Variants in RORA observed in about 807,000 individuals in gnomAD.
The protein encoded by RORA is nuclear receptor ROR-alpha.
Under a neutral mutation model 69.5 loss-of-function variants are expected in RORA, and 7 were observed. The ratio of observed to expected loss-of-function variants is 0.10; its 90% CI spans 0.06 to 0.19. RORA has a LOEUF of 0.19. Ranked by LOEUF, RORA falls within the 10% of genes least tolerant of loss-of-function variation. RORA has a pLI of 1.00. For synonymous variants in RORA, 261 were observed against 240.8 expected (o/e 1.08, Z -0.78); for missense variants, 457 against 663.0 (o/e 0.69, Z 3.41).
At chr15:61,098,969 A>T (rs971445485) in intron 1 of RORA, among the ~76,000 whole-genome samples, 1 of 152,232 alleles carries the variant, frequency 6.6e-6, no homozygotes, top group East Asian at 1.9e-4. Context: ...CAGGCAACGT[A>T]CGCTTCAGTG....
chr15:61,188,266 A>G lies in RORA; in HGVS notation c.166+40787T>C, dbSNP rs1178299245. Among the ~76,000 whole-genome samples the G allele has an allele frequency of 9.2e-4, 140 of 152,162 alleles. 2 individuals are homozygous for G. Among genetic ancestry groups the G allele is most frequent in the Non-Finnish European group, 1.3e-4 (9 of 68,008 alleles). Reference sequence around the variant, plus strand: ...GGGCCAAAAGGTCTCTGTGGCAACTACTCAACTCTGCCATTGTGGCCCCAA... The same window carrying G: ...GGGCCAAAAGGTCTCTGTGGCAACTGCTCAACTCTGCCATTGTGGCCCCAA... On this transcript the variant is annotated intron_variant, in intron 1 of 10. Transcript: ENST00000335670.
chr15:60,923,985 C>T (rs910735375), intron 1 of RORA, among the ~76,000 whole-genome samples: 15 of 152,144 alleles, frequency 9.9e-5, no homozygotes, highest in South Asian at 2.1e-4. Flanking sequence ...TGTGTGAGCA[C>T]GGGGCAGTGT....
At position 61,226,929 on chromosome 15, in the gene RORA, T is replaced by G. The variant is rs2140953120; in HGVS notation, c.166+2124A>C. Among the ~76,000 whole-genome samples, 1 of 152,072 alleles carries G rather than the reference T, an allele frequency of 6.6e-6. No individual in the cohort carries two copies. The highest frequency in any genetic ancestry group is 1.9e-4 in the East Asian group (1 of 5,166). The stretch of plus-strand genomic sequence containing the variant: ...GGGTCAGCAGGTCAGCTGTGCAAGA[T>G]GTATCCCACTCCTACTATGCCCCTC... On this transcript the variant is annotated intron_variant, in intron 1 of 10. Transcript: ENST00000335670. The surrounding 1 kb of genome is among the most constrained non-coding windows in gnomAD (Gnocchi z 4.2).
chr15:60,789,706 C>A (rs1314850299), intron 1 of RORA, among the ~76,000 whole-genome samples: 2 of 152,120 alleles, frequency 1.3e-5, no homozygotes, highest in African/African-American at 4.8e-5. Context: ...AACCTATAAC[C>A]ATGAAAATAA....
chr15:60,887,342 A>G (rs1002420090), intron 1 of RORA, among the ~76,000 whole-genome samples: 5 of 152,120 alleles, frequency 3.3e-5, no homozygotes, highest in Admixed American at 6.5e-5. Flanking sequence ...TCATGCTGTC[A>G]TGGGGGGTGC....
At chr15:60,772,709 G>A (rs2072096535) in intron 1 of RORA, among the ~76,000 whole-genome samples, 1 of 152,146 alleles carries the variant, frequency 6.6e-6, no homozygotes, top group South Asian at 2.1e-4. Context: ...TGAATGGCAA[G>A]GTGAGCCACA....
chr15:60,673,703 T>C (rs749151592), intron 2 of RORA, among the ~76,000 whole-genome samples: 1 of 152,238 alleles, frequency 6.6e-6, no homozygotes, highest in Non-Finnish European at 1.5e-5. Context: ...ATTTGTGTTT[T>C]CAGATTGTTT....
rs116911290 is a variant in RORA at position 60,517,472 on chromosome 15, T to G, written c.283-2715A>C. ...ATATCTAAAGCTATGTTTTTTATTT[T>G]ATTTTATTTTATTGTTTGTGTGTGT... is the stretch of plus-strand genomic sequence containing the variant. On this transcript the variant is annotated intron_variant, in intron 3 of 10. Coordinates refer to ENST00000335670, the MANE Select transcript of RORA (RefSeq NM_134261.3). 9.7e-3 allele frequency among the ~76,000 whole-genome samples: 1,479 copies of G among 152,342 alleles called. 10 individuals are homozygous for G. The highest frequency in any genetic ancestry group is 0.018 in the South Asian group (86 of 4,826).
chr15:60,492,906 T>G lies in RORA; in HGVS notation c.*4549A>C, dbSNP rs1164226249. ...TCACTTGTGCCTTGGAGGGATAGTA[T>G]TATTATCATTATTATTAATAATAAA... is the stretch of plus-strand genomic sequence containing the variant. On this transcript the variant is annotated 3_prime_UTR_variant, in exon 11 of 11. Transcript: ENST00000335670. 1 of 152,068 alleles carries G rather than the reference T, an allele frequency of 6.6e-6. No homozygotes were observed. The highest frequency in any genetic ancestry group is 1.5e-5 in the Non-Finnish European group (1 of 67,998). 9.4% of individuals were successfully genotyped at this position (152,068 alleles called of 1,614,324 possible). A position where few individuals can be genotyped will look rare whatever the true frequency, so the allele number is the denominator to read the frequency against.
intron 2 of RORA, among the ~76,000 whole-genome samples, chr15:60,549,936 TA>T (rs2067183344): frequency 6.6e-6 from 1 of 152,144 alleles, no homozygotes; most frequent in Non-Finnish European, 1.5e-5. Context: ...AAAGTGATAT[TA>T]AAAAACTAAG....
chr15:60,741,788 C>G (rs2071578601), intron 1 of RORA, among the ~76,000 whole-genome samples: 1 of 152,118 alleles, frequency 6.6e-6, no homozygotes. Context: ...CTGTCTTCAT[C>G]TCTTCATTAT....
In RORA at chr15:60,490,826, A is replaced by T. The variant is rs2065029480; in HGVS notation, c.*6629T>A. ...ACAACACTGAAAACAGTTTGCAAATAAACCACCTAACACTGCAGTTCTTTA... is the reference window on the plus strand; with the variant it reads ...ACAACACTGAAAACAGTTTGCAAATTAACCACCTAACACTGCAGTTCTTTA... On this transcript the variant is annotated 3_prime_UTR_variant, in exon 11 of 11. Coordinates refer to ENST00000335670, the MANE Select transcript of RORA (RefSeq NM_134261.3). The surrounding 1 kb of genome is among the most constrained non-coding windows in gnomAD (Gnocchi z 4.1). 6.6e-6 allele frequency: 1 copy of T among 152,174 alleles called. No homozygotes were observed. 9.4% of individuals were successfully genotyped at this position (152,174 alleles called of 1,614,324 possible).
intron 1 of RORA, among the ~76,000 whole-genome samples, chr15:60,885,976 C>T (rs115312403): frequency 8.6e-4 from 131 of 152,350 alleles, no homozygotes; most frequent in African/African-American, 3.1e-3. Context: ...AGCTTCTCTG[C>T]TGCCTCATTT....
chr15:60,617,327 A>C (rs1163212633), intron 2 of RORA, among the ~76,000 whole-genome samples: 1 of 152,204 alleles, frequency 6.6e-6, no homozygotes, highest in Non-Finnish European at 1.5e-5. Flanking sequence ...TAATTGAGGC[A>C]AAGAAATCAT....
chr15:61,033,148 G>A (rs1472932675), intron 1 of RORA, among the ~76,000 whole-genome samples: 1 of 152,136 alleles, frequency 6.6e-6, no homozygotes, highest in Non-Finnish European at 1.5e-5. Context: ...AGGAGTTTGT[G>A]CATGTTGATC....
intron 2 of RORA, among the ~76,000 whole-genome samples, chr15:60,635,226 T>C (rs2069814168): frequency 6.6e-6 from 1 of 152,210 alleles, no homozygotes; most frequent in South Asian, 2.1e-4. Flanking sequence ...ATATTTCTCT[T>C]CCTAACCTCC....
intron 1 of RORA, among the ~76,000 whole-genome samples, chr15:61,040,035 A>G (rs2140466706): frequency 6.8e-6 from 1 of 146,814 alleles, no homozygotes; most frequent in South Asian, 2.2e-4. Context: ...ATTCCTCCCC[A>G]AACATTCCAA....
chr15:60,785,035 G>A (rs2072316494), intron 1 of RORA, among the ~76,000 whole-genome samples: 1 of 152,178 alleles, frequency 6.6e-6, no homozygotes, highest in Non-Finnish European at 1.5e-5. Context: ...GCAGCTGTCA[G>A]CATGCTTCAA....
At chr15:60,807,614 C>T (rs969175335) in intron 1 of RORA, among the ~76,000 whole-genome samples, 2 of 152,148 alleles carry the variant, frequency 1.3e-5, no homozygotes, top group Non-Finnish European at 2.9e-5. Context: ...GCCCACATAG[C>T]CAAAGCAAGC....
Sources: allele counts gnomAD v4.1 joint callset (sites outside exome capture counted in the v4.1 genomes callset), GRCh38; gene constraint gnomAD v4.1.1; non-coding constraint Gnocchi (gnomAD v3.1); transcripts MANE v1.5; gene names NCBI Gene and HGNC (gene_info 2026-07-23, HGNC 2026-07-21).